The following ITPKB variants were observed in gnomAD, a reference collection of about 807,000 sequenced individuals.
ITPKB encodes inositol-trisphosphate 3-kinase B.
A neutral mutation model predicts 69.4 loss-of-function variants in ITPKB; 13 were observed. That is an observed-to-expected ratio of 0.19 (90% CI 0.12 to 0.30). The LOEUF is 0.30. Among genes scored for constraint, ITPKB ranks in the 10% least tolerant of loss-of-function variants. The pLI is 1.00. For synonymous variants in ITPKB, 584 were observed against 513.7 expected (o/e 1.14, Z -1.85); for missense variants, 1,240 against 1,250.5 (o/e 0.99, Z 0.13).
intron 2 of ITPKB, among the ~76,000 whole-genome samples, chr1:226,673,503 C>G (rs1032594349): frequency 6.6e-6 from 1 of 152,186 alleles, no homozygotes; most frequent in Non-Finnish European, 1.5e-5. Context: ...ATCACGGCAA[C>G]TAGGTGGTGG....
chr1:226,704,360 T>C (rs549820437), intron 2 of ITPKB, among the ~76,000 whole-genome samples: 1 of 152,302 alleles, frequency 6.6e-6, no homozygotes, highest in East Asian at 1.9e-4. Flanking sequence ...AACATTAATA[T>C]AACCAAGACT....
intron 2 of ITPKB, among the ~76,000 whole-genome samples, chr1:226,726,510 T>C (rs1242645838): frequency 6.6e-6 from 1 of 151,974 alleles, no homozygotes; most frequent in African/African-American, 2.4e-5. Context: ...GAGATGTCTC[T>C]ACTAAAAAAT....
At position 226,736,809 on chromosome 1, in the gene ITPKB, G is replaced by C. The variant is rs199585718; in HGVS notation, c.650C>G (p.Ser217Cys). The C allele has an allele frequency of 1.5e-5, 25 of 1,612,994 alleles. No individual in the cohort carries two copies. In the East Asian group the frequency reaches 5.3e-4, roughly 35 times the overall value. ...EQCPETSGTD[S>C]GRKGGPSLCS... ...TAGGCTGGGCCCTCCTTTCCTCCCG[G>C]AGTCGGTTCCTGAAGTCTCTGGACA... Residue 217 changes from serine to cysteine, a missense_variant, in exon 2 of 8, where the codon TCC (serine) becomes TGC (cysteine). Ser to Cys is a moderately radical substitution (Grantham distance 112). Transcript: ENST00000429204.
intron 2 of ITPKB, among the ~76,000 whole-genome samples, chr1:226,649,499 C>G (rs1249198702): frequency 6.9e-6 from 1 of 144,438 alleles, no homozygotes; most frequent in Admixed American, 7.0e-5. Context: ...TCAGTGTGTG[C>G]ATGCGTGATA....
At chr1:226,660,780 C>A (rs1320053505) in intron 2 of ITPKB, among the ~76,000 whole-genome samples, 1 of 152,132 alleles carries the variant, frequency 6.6e-6, no homozygotes, top group South Asian at 2.1e-4. Flanking sequence ...GGGAAGAGCA[C>A]GAGGCGGATG....
At chr1:226,686,337 G>C (rs1024702427) in intron 2 of ITPKB, among the ~76,000 whole-genome samples, 1 of 152,226 alleles carries the variant, frequency 6.6e-6, no homozygotes, top group African/African-American at 2.4e-5. Context: ...GATTGAAAGG[G>C]AAGCCATAGT....
intron 2 of ITPKB, among the ~76,000 whole-genome samples, chr1:226,653,197 T>C (rs901450816): frequency 2.0e-5 from 3 of 152,138 alleles, no homozygotes; most frequent in Non-Finnish European, 4.4e-5. Context: ...AAGTTACTTC[T>C]CCAAAGTCAT....
chr1:226,738,404 C>G lies in ITPKB; in HGVS notation c.-206+637G>C, dbSNP rs1657879194. On this transcript the variant is annotated intron_variant, in intron 1 of 7. Transcript: ENST00000429204. This position sits in a 1 kb window ranked among gnomAD's most constrained non-coding sequence, Gnocchi z 4.2. Reference sequence around the variant, plus strand: ...GGCGCACCGAGGTTCTACACGTTCTCTTTACCGGAACCAGTACTTGCTGCC... The same window carrying G: ...GGCGCACCGAGGTTCTACACGTTCTGTTTACCGGAACCAGTACTTGCTGCC... Among the ~76,000 whole-genome samples the G allele has an allele frequency of 6.6e-6, 1 of 152,236 alleles. No individual in the cohort carries two copies.
At chr1:226,737,763 A>C in intron 1 of ITPKB, 100 bp from the exon 2 acceptor site, 1 of 206,120 alleles carries the variant, frequency 4.9e-6, no homozygotes, top group Non-Finnish European at 8.9e-6. Context: ...AACACAATCT[A>C]TCCGGGACCC....
In ITPKB at chr1:226,639,775, CA is replaced by C. The variant is rs1668916727; in HGVS notation, c.2452-118del. 6 of 716,810 alleles carry C rather than the reference CA, an allele frequency of 8.4e-6. No homozygotes were observed. In the Admixed American group the frequency reaches 1.2e-4, roughly 14 times the overall value. The allele number at this position is 716,810 out of a possible 1,614,324, so 44.4% of individuals were successfully genotyped here. On this transcript the variant is annotated intron_variant, in intron 5 of 7. Coordinates refer to ENST00000429204, the MANE Select transcript of ITPKB (RefSeq NM_002221.4). ...GCCCCATCTGAACCTGGGGCAGGGC[CA>C]GTGGAGGCACCCAGGTGTCCACGTA... is the stretch of plus-strand genomic sequence containing the variant.
Position 226,639,650 on chromosome 1 carries a change from GTCT to G in ITPKB, c.2457_2459del (p.Glu819del). Reference sequence around the variant, plus strand: ...TCTTGAAGTCCCGGTTCACGGTGCCGTCTTCTTTCTGAGAAAGAGAACACCCCA... The same window carrying G: ...TCTTGAAGTCCCGGTTCACGGTGCCGTCTTTCTGAGAAAGAGAACACCCCA... On this transcript the variant is annotated inframe_deletion, in exon 6 of 8. Coordinates refer to ENST00000429204, the MANE Select transcript of ITPKB (RefSeq NM_002221.4). 1 of 1,612,074 alleles carries G rather than the reference GTCT, an allele frequency of 6.2e-7. No homozygotes were observed. The highest frequency in any genetic ancestry group is 2.2e-5 in the East Asian group (1 of 44,866).
intron 2 of ITPKB, among the ~76,000 whole-genome samples, chr1:226,695,874 C>T (rs768048863): frequency 4.6e-5 from 7 of 151,774 alleles, no homozygotes; most frequent in African/African-American, 1.5e-4. Flanking sequence ...GGGGGCAAGA[C>T]AGTAAGATGA....
In ITPKB at chr1:226,642,170, GGCTCACCAGC is replaced by G. The variant is rs761000219; in HGVS notation, c.2247-55_2247-46del. ...ACATGAGGGCCGAGGCCTGGGGCAG[GGCTCACCAGC>G]AGCTCCTTTCCTGCCTGGTGGATGA... On this transcript the variant is annotated intron_variant, in intron 4 of 7. Coordinates refer to ENST00000429204, the MANE Select transcript of ITPKB (RefSeq NM_002221.4). This position sits in a 1 kb window ranked among gnomAD's most constrained non-coding sequence, Gnocchi z 6.4. 2.0e-6 allele frequency: 3 copies of G among 1,520,846 alleles called. No homozygotes were observed. Among genetic ancestry groups the G allele is most frequent in the Non-Finnish European group, 2.7e-6 (3 of 1,109,448 alleles). 94.2% of individuals were successfully genotyped at this position (1,520,846 alleles called of 1,614,324 possible). A position where few individuals can be genotyped will look rare whatever the true frequency, so the allele number is the denominator to read the frequency against.
chr1:226,733,906 T>C (rs1443375179), intron 2 of ITPKB, among the ~76,000 whole-genome samples: 4 of 151,692 alleles, frequency 2.6e-5, no homozygotes, highest in Admixed American at 6.6e-5. Context: ...AACCAGCCAA[T>C]AGAAGTTGCT....
chr1:226,737,097 G>T lies in ITPKB; in HGVS notation c.362C>A (p.Pro121Gln). The change falls in exon 2 of 8, where the codon CCG becomes CAG. Residue 121 changes from proline to glutamine, a missense_variant. By Grantham distance (76) the Pro-to-Gln change is moderately conservative (BLOSUM62 -1). Around this residue, in one of 2 missense-constraint regions of ITPKB, gnomAD observed 992 missense variants for 853.8 expected, o/e 1.16. Transcript: ENST00000429204. ...CCTCTTGGCCTCCTCCGGCCCTGGC[G>T]GGGAGAGGGTACCGGCTGCCACCAC... Reference protein sequence around the residue: ...QQVVAAGTLSPPGPEEAKRKL... With the variant: ...QQVVAAGTLSQPGPEEAKRKL... 2 of 1,607,896 alleles carry T rather than the reference G, an allele frequency of 1.2e-6. No individual in the cohort carries two copies. The highest frequency in any genetic ancestry group is 1.7e-4 in the Middle Eastern group (1 of 6,060).
Position 226,637,682 on chromosome 1 carries a change from G to A in ITPKB, c.2622C>T (p.His874=), listed in dbSNP as rs144186587. The A allele has an allele frequency of 3.2e-5, 52 of 1,611,960 alleles. 1 individual carries two copies. The African/African-American group carries it at 4.7e-4, about 14-fold the overall frequency. Residue 874 remains histidine, a synonymous_variant, in exon 7 of 8, where the codon CAC becomes CAT. Coordinates refer to ENST00000429204, the MANE Select transcript of ITPKB (RefSeq NM_002221.4). This position sits in a 1 kb window ranked among gnomAD's most constrained non-coding sequence, Gnocchi z 4.3. ...AGGGCAAAAGCCCAGTATCTACCTCGTGGCACTTGAAGAAGGGAGAAACTT... is the reference window on the plus strand; with the variant it reads ...AGGGCAAAAGCCCAGTATCTACCTCATGGCACTTGAAGAAGGGAGAAACTT... ...TLEVSPFFKC[H]EVIGSSLLFI...
At chr1:226,683,950 T>C (rs1044404734) in intron 2 of ITPKB, among the ~76,000 whole-genome samples, 2 of 152,036 alleles carry the variant, frequency 1.3e-5, no homozygotes, top group African/African-American at 2.4e-5. Flanking sequence ...AAGTGGGAAA[T>C]ATTAAATTCC....
intron 2 of ITPKB, among the ~76,000 whole-genome samples, chr1:226,710,024 A>G (rs1436747741): frequency 1.3e-5 from 2 of 152,064 alleles, no homozygotes; most frequent in Non-Finnish European, 2.9e-5. Context: ...AAGATTCACA[A>G]CCCACCCACC....
At position 226,737,424 on chromosome 1, in the gene ITPKB, A is replaced by T. The variant is rs1300134424; in HGVS notation, c.35T>A (p.Val12Glu). ...AVYCYALNSL[V>E]IMNSANEMKS... ...CATCTCGTTGGCGCTATTCATGATC[A>T]CCAGGCTATTGAGCGCATAGCAGTA... Residue 12 changes from valine (V) to glutamate (E), a missense_variant, in exon 2 of 8, where the codon GTG becomes GAG. This residue lies in a region of ITPKB where 992 missense variants were observed against 853.8 expected (regional missense o/e 1.16). Coordinates refer to ENST00000429204, the MANE Select transcript of ITPKB (RefSeq NM_002221.4). The T allele has an allele frequency of 6.2e-7, 1 of 1,611,202 alleles. No individual in the cohort carries two copies. The highest frequency in any genetic ancestry group is 8.5e-7 in the Non-Finnish European group (1 of 1,179,544).
Sources: gnomAD v4.1 joint callset for allele counts (sites outside exome capture counted in the v4.1 genomes callset) on GRCh38, gnomAD v4.1.1 for gene constraint, gnomAD v4.1.1 regional missense constraint, Gnocchi (gnomAD v3.1) non-coding constraint, MANE v1.5 for transcripts, NCBI Gene and HGNC (gene_info 2026-07-23, HGNC 2026-07-21) for gene names.